MAML3: variants seen among roughly 807,000 people sequenced by gnomAD.
MAML3 encodes the protein mastermind-like protein 3.
MAML3 carries 27 observed loss-of-function variants against 101.9 expected under a neutral mutation model. The observed-to-expected ratio is 0.27, with a 90% CI of 0.20 to 0.37. The LOEUF is 0.37. Ranked by LOEUF, MAML3 falls within the 10% of genes least tolerant of loss-of-function variation. MAML3 has a pLI of 1.00. For missense variants in MAML3, 1,316 were observed against 1,444.9 expected (o/e 0.91, Z 1.45); for synonymous variants, 501 against 555.9 (o/e 0.90, Z 1.39).
rs912744169 is a variant in MAML3, at chr4:140,123,928, C to T, written c.468+28932G>A. Among the ~76,000 whole-genome samples, 18 of 152,166 alleles carry T rather than the reference C, an allele frequency of 1.2e-4. 1 individual carries two copies. The highest frequency in any genetic ancestry group is 1.2e-3 in the Admixed American group (18 of 15,282). ...GACCTTTTCTTAGGCAGCTTCACAA[C>T]AAATAACACTGTTTTTGCATCGTAT... On this transcript the variant is annotated intron_variant, in intron 1 of 4. Transcript: ENST00000509479.
chr4:140,073,135 T>C (rs1050068245), intron 1 of MAML3, among the ~76,000 whole-genome samples: 5 of 151,468 alleles, frequency 3.3e-5, no homozygotes, highest in African/African-American at 1.2e-4. Context: ...TTTATATCCA[T>C]GTTTTCTTTT....
At chr4:140,009,875 T>G (rs1414427159) in intron 1 of MAML3, among the ~76,000 whole-genome samples, 1 of 152,230 alleles carries the variant, frequency 6.6e-6, no homozygotes, top group Non-Finnish European at 1.5e-5. Context: ...GGATAGAATG[T>G]ATCTTCTCAT....
chr4:139,881,169 T>A (rs1403292068), intron 2 of MAML3, among the ~76,000 whole-genome samples: 2 of 152,038 alleles, frequency 1.3e-5, no homozygotes, highest in African/African-American at 4.8e-5. Context: ...CCTGTATAAT[T>A]AAGAATCGGA....
At chr4:140,012,928 C>T (rs911476425) in intron 1 of MAML3, among the ~76,000 whole-genome samples, 2 of 152,178 alleles carry the variant, frequency 1.3e-5, no homozygotes, top group African/African-American at 2.4e-5. Flanking sequence ...TAAAAGCACA[C>T]AATATACCCT....
chr4:140,043,897 A>T (rs1056324720), intron 1 of MAML3, among the ~76,000 whole-genome samples: 1 of 152,246 alleles, frequency 6.6e-6, no homozygotes, highest in East Asian at 1.9e-4. Context: ...AGCAACTGAC[A>T]TCACTGTTAA....
chr4:139,891,030 T>G, intron 1 of MAML3, 63 bp from the exon 2 acceptor site: 4 of 1,531,896 alleles, frequency 2.6e-6, no homozygotes, highest in East Asian at 2.3e-5. Flanking sequence ...CTTTAAGGAT[T>G]GAGATGTGCA....
chr4:139,850,306 A>T (rs17288919), intron 2 of MAML3, among the ~76,000 whole-genome samples: 1 of 152,118 alleles, frequency 6.6e-6, no homozygotes, highest in Non-Finnish European at 1.5e-5. Flanking sequence ...TCGTTCATCC[A>T]GTTAATCTCA....
At chr4:139,792,936 C>T (rs1021519493) in intron 2 of MAML3, among the ~76,000 whole-genome samples, 1 of 151,846 alleles carries the variant, frequency 6.6e-6, no homozygotes, top group Non-Finnish European at 1.5e-5. Flanking sequence ...TTAGTAGAGA[C>T]GGGGTTTCAC....
At chr4:140,022,595 T>G (rs921821424) in intron 1 of MAML3, among the ~76,000 whole-genome samples, 1 of 152,208 alleles carries the variant, frequency 6.6e-6, no homozygotes, top group Non-Finnish European at 1.5e-5. Context: ...CAAAGAACAA[T>G]GTATTAACTT....
intron 1 of MAML3, among the ~76,000 whole-genome samples, chr4:140,056,668 G>C (rs1381025149): frequency 2.0e-5 from 3 of 151,916 alleles, no homozygotes; most frequent in African/African-American, 7.3e-5. Flanking sequence ...AAATTAGCCA[G>C]GGGTGGTGGT....
chr4:140,006,753 G>A (rs1056458208), intron 1 of MAML3, among the ~76,000 whole-genome samples: 8 of 152,102 alleles, frequency 5.3e-5, no homozygotes, highest in African/African-American at 1.9e-4. Context: ...CATAGCTGGA[G>A]ATGAATTAAA....
chr4:140,140,869 G>A (rs1273157443), intron 1 of MAML3, among the ~76,000 whole-genome samples: 1 of 152,108 alleles, frequency 6.6e-6, no homozygotes, highest in East Asian at 1.9e-4. Flanking sequence ...GGTATGTGAG[G>A]CCAGGAGACA....
At chr4:140,048,609 A>T (rs1326284140) in intron 1 of MAML3, among the ~76,000 whole-genome samples, 2 of 152,222 alleles carry the variant, frequency 1.3e-5, no homozygotes, top group African/African-American at 4.8e-5. Context: ...TGCCAAAAAT[A>T]TCCAGGTAAT....
intron 2 of MAML3, among the ~76,000 whole-genome samples, chr4:139,863,569 C>T (rs1179177990): frequency 6.6e-6 from 1 of 151,884 alleles, no homozygotes; most frequent in East Asian, 1.9e-4. Flanking sequence ...AGGCTGGTCT[C>T]GAACTCCTGA....
chr4:139,811,959 T>C (rs1730805201), intron 2 of MAML3, among the ~76,000 whole-genome samples: 2 of 152,178 alleles, frequency 1.3e-5, no homozygotes, highest in African/African-American at 2.4e-5. Context: ...TTAGCTAATG[T>C]ATGTTAATAA....
At chr4:139,944,956 C>A (rs1481924325) in intron 1 of MAML3, among the ~76,000 whole-genome samples, 1 of 151,072 alleles carries the variant, frequency 6.6e-6, no homozygotes, top group African/African-American at 2.4e-5. Flanking sequence ...TGGGTATATA[C>A]CCAAATGACT....
At chr4:139,799,694 C>G (rs1323582838) in intron 2 of MAML3, among the ~76,000 whole-genome samples, 2 of 152,144 alleles carry the variant, frequency 1.3e-5, no homozygotes, top group Non-Finnish European at 2.9e-5. Context: ...TCTTATCTTT[C>G]CCCCAAGGTC....
chr4:139,734,085 A>G (rs768032292), intron 2 of MAML3, among the ~76,000 whole-genome samples: 2 of 152,192 alleles, frequency 1.3e-5, no homozygotes, highest in Non-Finnish European at 2.9e-5. Flanking sequence ...AGAGACACCT[A>G]CAGCCCCCGA....
chr4:139,937,394 T>C (rs1190003137), intron 1 of MAML3, among the ~76,000 whole-genome samples: 1 of 149,232 alleles, frequency 6.7e-6, no homozygotes, highest in Non-Finnish European at 1.5e-5. Context: ...GCAAAGGAGT[T>C]TTTTTTTTTT....
Sources: gnomAD v4.1 joint callset for allele counts (sites outside exome capture counted in the v4.1 genomes callset) on GRCh38, gnomAD v4.1.1 for gene constraint, MANE v1.5 for transcripts, NCBI Gene and HGNC (gene_info 2026-07-23, HGNC 2026-07-21) for gene names.